Variants in CNR1 observed in about 807,000 individuals in gnomAD.
CNR1 encodes the protein cannabinoid receptor 1, also known as cannabinoid receptor 1 (brain).
A neutral mutation model predicts 23.0 loss-of-function variants in CNR1; 10 were observed. The ratio of observed to expected loss-of-function variants is 0.43; its 90% confidence interval spans 0.27 to 0.74. The LOEUF is 0.74. CNR1 is among the 30% of genes least tolerant of loss of function. The probability of loss-of-function intolerance (pLI) is 0.19; values close to 1 mark genes in which losing one functional copy is unlikely to be tolerated. For missense variants in CNR1, 422 were observed against 618.8 expected (o/e 0.68, Z 3.37); for synonymous variants, 271 against 255.2 (o/e 1.06, Z -0.59).
At chr6:88,166,649 G>A (rs1215692387), upstream of CNR1, among the ~76,000 whole-genome samples, 3 of 152,166 alleles carry the variant, frequency 2.0e-5, no homozygotes, top group South Asian at 2.1e-4. Flanking sequence ...CTGTGCTCCC[G>A]GATACCCTCA....
At chr6:88,149,039 C>T (rs1411176447) in intron 1 of CNR1, among the ~76,000 whole-genome samples, 1 of 152,194 alleles carries the variant, frequency 6.6e-6, no homozygotes. Context: ...CAGATGGGAG[C>T]CATCACCTAC....
At chr6:88,161,989 G>C (rs1676869017) in intron 1 of CNR1, among the ~76,000 whole-genome samples, 1 of 152,036 alleles carries the variant, frequency 6.6e-6, no homozygotes, top group African/African-American at 2.4e-5. Flanking sequence ...CAACTAAAAG[G>C]ATTGGCTAAA....
At chr6:88,165,232 T>C (rs1192782238) in intron 1 of CNR1, among the ~76,000 whole-genome samples, 1 of 152,244 alleles carries the variant, frequency 6.6e-6, no homozygotes, top group Non-Finnish European at 1.5e-5. Flanking sequence ...AGAAATGTCT[T>C]TTAAAAATGC....
chr6:88,160,199 G>C (rs1000792029), intron 1 of CNR1, among the ~76,000 whole-genome samples: 4 of 152,052 alleles, frequency 2.6e-5, no homozygotes, highest in Non-Finnish European at 1.5e-5. Context: ...ATGGTAGCAT[G>C]AGAATCGCTT....
chr6:88,144,685 G>A lies in CNR1; in HGVS notation c.590C>T (p.Thr197Met). ...NVFLFKLGGV[T>M]ASFTASVGSL... ...GCCCACGGAGGCAGTGAAGGAGGCC[G>A]TGACCCCACCCAGTTTGAACAGAAA... Residue 197 changes from threonine (T) to methionine (M), a missense_variant, in exon 2 of 2, where the codon ACG becomes ATG. Thr to Met is a moderately conservative substitution (Grantham distance 81). Coordinates refer to ENST00000369501, the MANE Select transcript of CNR1 (RefSeq NM_016083.6). The surrounding 1 kb of genome is among the most constrained non-coding windows in gnomAD (Gnocchi z 7.8). The A allele has an allele frequency of 6.2e-7, 1 of 1,614,176 alleles. No individual in the cohort carries two copies. Among genetic ancestry groups the A allele is most frequent in the South Asian group, 1.1e-5 (1 of 91,086 alleles).
chr6:88,149,983 C>T (rs547427098), intron 1 of CNR1, among the ~76,000 whole-genome samples: 48 of 152,150 alleles, frequency 3.2e-4, no homozygotes, highest in Non-Finnish European at 5.4e-4. Flanking sequence ...TCACCTGAAC[C>T]TAATAAAATG....
At chr6:88,154,804 C>A (rs192766192) in intron 1 of CNR1, among the ~76,000 whole-genome samples, 2 of 152,228 alleles carry the variant, frequency 1.3e-5, no homozygotes, top group African/African-American at 2.4e-5. Context: ...GCCTTGAACA[C>A]CTGACCTCAA....
rs1019929867 is a variant in CNR1, at chr6:88,142,559, T to C, written c.*1297A>G. On this transcript the variant is annotated 3_prime_UTR_variant, in exon 2 of 2. Transcript: ENST00000369501. ...TAATACCTAAAGGTCAATTTAGTAA[T>C]ACTTGATCCAATCTCTTAAGGAGGG... The C allele has an allele frequency of 1.3e-5, 2 of 152,344 alleles. No homozygotes were observed. Among genetic ancestry groups the C allele is most frequent in the Non-Finnish European group, 2.9e-5 (2 of 68,028 alleles). The allele number at this position is 152,344 out of a possible 1,614,324, so 9.4% of individuals were successfully genotyped here.
chr6:88,159,422 A>G (rs1169229936), intron 1 of CNR1, among the ~76,000 whole-genome samples: 1 of 152,244 alleles, frequency 6.6e-6, no homozygotes, highest in Non-Finnish European at 1.5e-5. Context: ...TATTTCAAAA[A>G]TACCTAAAAG....
In CNR1 at chr6:88,141,290, T is replaced by TA. The variant is rs1362732794; in HGVS notation, c.*2565dup. The stretch of plus-strand genomic sequence containing the variant: ...TTTAAACCTTTTTAAATGAAGGTTG[T>TA]ATAACATACGTGATGATATTTCACA... On this transcript the variant is annotated 3_prime_UTR_variant, in exon 2 of 2. Transcript: ENST00000369501. The TA allele has an allele frequency of 6.5e-6, 1 of 152,800 alleles. No homozygotes were observed. Among genetic ancestry groups the TA allele is most frequent in the East Asian group, 1.9e-4 (1 of 5,342 alleles). The allele number at this position is 152,800 out of a possible 1,614,324, so 9.5% of individuals were successfully genotyped here. A position where few individuals can be genotyped will look rare whatever the true frequency, so the allele number is the denominator to read the frequency against.
At chr6:88,161,276 C>T (rs937917667) in intron 1 of CNR1, among the ~76,000 whole-genome samples, 1 of 152,196 alleles carries the variant, frequency 6.6e-6, no homozygotes, top group Admixed American at 6.5e-5. Flanking sequence ...GGCTCAAATA[C>T]AATTCATAGT....
In CNR1 at chr6:88,143,691, A is replaced by C. The variant is rs560404889; in HGVS notation, c.*165T>G. 8.6e-4 allele frequency: 539 copies of C among 625,692 alleles called. No homozygotes were observed. The highest frequency in any genetic ancestry group is 1.4e-3 in the Non-Finnish European group (491 of 356,626). The allele number at this position is 625,692 out of a possible 1,614,324, so 38.8% of individuals were successfully genotyped here. A position where few individuals can be genotyped will look rare whatever the true frequency, so the allele number is the denominator to read the frequency against. ...CCTGGAGAATGGAGTTTGAGTACCTAAACTATGGAAACATTAGCAAACTGA... is the reference window on the plus strand; with the variant it reads ...CCTGGAGAATGGAGTTTGAGTACCTCAACTATGGAAACATTAGCAAACTGA... On this transcript the variant is annotated 3_prime_UTR_variant, in exon 2 of 2. Transcript: ENST00000369501.
rs1323535919 is a variant in CNR1, at chr6:88,143,791, A to C, written c.*65T>G. The C allele has an allele frequency of 4.3e-6, 5 of 1,161,052 alleles. No homozygotes were observed. Among genetic ancestry groups the C allele is most frequent in the Non-Finnish European group, 5.0e-6 (4 of 803,332 alleles). 71.9% of individuals were successfully genotyped at this position (1,161,052 alleles called of 1,614,324 possible). A position where few individuals can be genotyped will look rare whatever the true frequency, so the allele number is the denominator to read the frequency against. ...AAAAATATAACCAAGGAGACAATAG[A>C]CTCTTCTAGATTTTGAGCTTAAAAA... On this transcript the variant is annotated 3_prime_UTR_variant, in exon 2 of 2. Transcript: ENST00000369501.
At position 88,139,961 on chromosome 6, in the gene CNR1, GTT is replaced by G. The variant is rs1486679394; in HGVS notation, c.*3893_*3894del. On this transcript the variant is annotated 3_prime_UTR_variant, in exon 2 of 2. Transcript: ENST00000369501. Reference sequence around the variant, plus strand: ...TGTTTTCTCTTTGAATAAGTTAACAGTTTAATTACATTGAAATAAAATATACT... The same window carrying G: ...TGTTTTCTCTTTGAATAAGTTAACAGTAATTACATTGAAATAAAATATACT... 7 of 152,440 alleles carry G rather than the reference GTT, an allele frequency of 4.6e-5. No individual in the cohort carries two copies. Among genetic ancestry groups the G allele is most frequent in the African/African-American group, 1.7e-4 (7 of 41,572 alleles). The allele number at this position is 152,440 out of a possible 1,614,324, so 9.4% of individuals were successfully genotyped here. A position where few individuals can be genotyped will look rare whatever the true frequency, so the allele number is the denominator to read the frequency against.
rs1776726504 is a variant in CNR1, at chr6:88,140,113, A to G, written c.*3743T>C. 6.5e-6 allele frequency: 1 copy of G among 152,828 alleles called. No homozygotes were observed. The highest frequency in any genetic ancestry group is 2.1e-4 in the South Asian group (1 of 4,834). 9.5% of individuals were successfully genotyped at this position (152,828 alleles called of 1,614,324 possible). A position where few individuals can be genotyped will look rare whatever the true frequency, so the allele number is the denominator to read the frequency against. The stretch of plus-strand genomic sequence containing the variant: ...TATACAAAGTATTATACAGATTACT[A>G]ACGAAGATATTGCAGTGGTTGCAAC... On this transcript the variant is annotated 3_prime_UTR_variant, in exon 2 of 2. Transcript: ENST00000369501.
chr6:88,140,614 A>C lies in CNR1; in HGVS notation c.*3242T>G, dbSNP rs1462362191. ...TATACAGTTAGAGTGTGAGAAATCT[A>C]ATTGTGTGCATGATATGGGTGGTCT... On this transcript the variant is annotated 3_prime_UTR_variant, in exon 2 of 2. Coordinates refer to ENST00000369501, the MANE Select transcript of CNR1 (RefSeq NM_016083.6). 1 of 152,518 alleles carries C rather than the reference A, an allele frequency of 6.6e-6. No homozygotes were observed. The highest frequency in any genetic ancestry group is 2.4e-5 in the African/African-American group (1 of 41,448). The allele number at this position is 152,518 out of a possible 1,614,324, so 9.4% of individuals were successfully genotyped here.
intron 1 of CNR1, among the ~76,000 whole-genome samples, chr6:88,153,361 T>A (rs1390080770): frequency 1.3e-5 from 2 of 152,230 alleles, no homozygotes; most frequent in Non-Finnish European, 2.9e-5. Context: ...AATGTCCATG[T>A]GTTCTAGGCT....
At chr6:88,149,128 A>C (rs1777380538) in intron 1 of CNR1, among the ~76,000 whole-genome samples, 1 of 152,162 alleles carries the variant, frequency 6.6e-6, no homozygotes, top group Non-Finnish European at 1.5e-5. Context: ...AACGCCAATC[A>C]AGTCAAGGCA....
intron 1 of CNR1, among the ~76,000 whole-genome samples, chr6:88,146,401 C>T (rs1777188212): frequency 6.6e-6 from 1 of 152,166 alleles, no homozygotes; most frequent in Non-Finnish European, 1.5e-5. Context: ...CCACTGTGCC[C>T]GGCCAAGACT....
Sources: gnomAD v4.1 joint callset for allele counts (sites outside exome capture counted in the v4.1 genomes callset) on GRCh38, gnomAD v4.1.1 for gene constraint, Gnocchi (gnomAD v3.1) non-coding constraint, MANE v1.5 for transcripts, NCBI Gene and HGNC (gene_info 2026-07-23, HGNC 2026-07-21) for gene names.